Variants in RTTN observed in about 807,000 individuals in gnomAD.
The protein encoded by RTTN is rotatin.
A neutral mutation model predicts 269.2 loss-of-function variants in RTTN; 182 were observed. The observed-to-expected ratio is 0.68, with a 90% CI of 0.60 to 0.76. RTTN has a LOEUF of 0.76. Among genes scored for constraint, RTTN ranks in the 30% least tolerant of loss-of-function variants. The pLI is 0.00. For synonymous variants in RTTN, 1,006 were observed against 963.5 expected (o/e 1.04, Z -0.82); for missense variants, 2,545 against 2,608.6 (o/e 0.98, Z 0.53).
Position 70,088,048 on chromosome 18 carries a change from A to C in RTTN, c.4243T>G (p.Trp1415Gly), listed in dbSNP as rs1009651939. The change falls in exon 31 of 49, where the codon TGG becomes GGG. Residue 1415 changes from tryptophan (W) to glycine (G), a missense_variant. Physicochemically the swap from Trp to Gly is radical, Grantham distance 184 (BLOSUM62 -2). Coordinates refer to ENST00000640769, the MANE Select transcript of RTTN (RefSeq NM_173630.4). ...NSCQNISGGLWGTVVNILLDQ... is the reference protein window; with the variant it reads ...NSCQNISGGLGGTVVNILLDQ... The stretch of plus-strand genomic sequence containing the variant: ...AGAAGAATGTTCACCACAGTTCCCC[A>C]GAGCCCACCGGAAATGTTCTGACAA... 6.2e-7 allele frequency: 1 copy of C among 1,613,922 alleles called. No individual in the cohort carries two copies. Among genetic ancestry groups the C allele is most frequent in the Admixed American group, 1.7e-5 (1 of 59,948 alleles).
In RTTN at chr18:70,073,298, T is replaced by C. The variant is rs145045718; in HGVS notation, c.4653+608A>G. Among the ~76,000 whole-genome samples, 5 of 152,146 alleles carry C rather than the reference T, an allele frequency of 3.3e-5. No homozygotes were observed. The East Asian group carries it at 9.6e-4, about 29-fold the overall frequency. On this transcript the variant is annotated intron_variant, in intron 34 of 48. Transcript: ENST00000640769. ...TTCTGCAAAAAAAGCAACTAATGCATGAATGAAAGGGGAAGGAAAGAAGGC... is the reference window on the plus strand; with the variant it reads ...TTCTGCAAAAAAAGCAACTAATGCACGAATGAAAGGGGAAGGAAAGAAGGC...
chr18:70,042,053 A>G (rs1448861235), intron 40 of RTTN, among the ~76,000 whole-genome samples: 2 of 152,106 alleles, frequency 1.3e-5, no homozygotes, highest in African/African-American at 4.8e-5. Flanking sequence ...CACCAAGAAA[A>G]GCTGCCAAAT....
At position 70,197,877 on chromosome 18, in the gene RTTN, T is replaced by C. The variant is rs116599744; in HGVS notation, c.579-139A>G. 1,133 of 620,304 alleles carry C rather than the reference T, an allele frequency of 1.8e-3. 8 individuals carry two copies. Among genetic ancestry groups the C allele is most frequent in the African/African-American group, 0.018 (972 of 54,054 alleles). 38.4% of individuals were successfully genotyped at this position (620,304 alleles called of 1,614,324 possible). A position where few individuals can be genotyped will look rare whatever the true frequency, so the allele number is the denominator to read the frequency against. On this transcript the variant is annotated intron_variant, in intron 5 of 48. Coordinates refer to ENST00000640769, the MANE Select transcript of RTTN (RefSeq NM_173630.4). ...ACTTCTCCAGAAAAGCCTTCCTAGA[T>C]CTTTTCCCTAACCAATAAACAACTC...
intron 34 of RTTN, among the ~76,000 whole-genome samples, chr18:70,068,051 C>T (rs1319236854): frequency 6.6e-6 from 1 of 152,130 alleles, no homozygotes; most frequent in Non-Finnish European, 1.5e-5. Flanking sequence ...TTTCTACTAG[C>T]CTCTATTTTT....
intron 34 of RTTN, among the ~76,000 whole-genome samples, chr18:70,069,762 A>G (rs899912830): frequency 6.6e-6 from 1 of 152,208 alleles, no homozygotes; most frequent in African/African-American, 2.4e-5. Context: ...ACTGGTGCCA[A>G]AAAAGTTTAT....
intron 43 of RTTN, among the ~76,000 whole-genome samples, chr18:70,025,771 T>C (rs2056836570): frequency 6.6e-6 from 1 of 152,236 alleles, no homozygotes; most frequent in South Asian, 2.1e-4. Context: ...ATAGTTTATC[T>C]GTATTTTCAT....
intron 32 of RTTN, 134 bp downstream of exon 32, chr18:70,086,479 A>C (rs1201512596): frequency 1.3e-6 from 1 of 763,198 alleles, no homozygotes; most frequent in East Asian, 2.5e-5. Context: ...AACAAATTCT[A>C]CGTTCTATTT....
intron 27 of RTTN, among the ~76,000 whole-genome samples, chr18:70,112,106 G>C (rs2059483678): frequency 1.3e-5 from 2 of 152,200 alleles, no homozygotes; most frequent in Admixed American, 1.3e-4. Context: ...AGCAAATGCT[G>C]AGAGATTTTG....
At chr18:70,125,556 A>C (rs1390450898) in intron 25 of RTTN, among the ~76,000 whole-genome samples, 1 of 152,066 alleles carries the variant, frequency 6.6e-6, no homozygotes, top group Non-Finnish European at 1.5e-5. Context: ...TTATTTTTAA[A>C]ATACAATAAA....
At chr18:70,044,635 T>C (rs2057441248) in intron 40 of RTTN, among the ~76,000 whole-genome samples, 1 of 152,162 alleles carries the variant, frequency 6.6e-6, no homozygotes, top group African/African-American at 2.4e-5. Context: ...AATAGTATAA[T>C]AAAAATTATG....
At chr18:70,163,442 G>T (rs1424620768) in intron 14 of RTTN, among the ~76,000 whole-genome samples, 1 of 152,006 alleles carries the variant, frequency 6.6e-6, no homozygotes, top group East Asian at 1.9e-4. Flanking sequence ...GGAATCCTTG[G>T]CACTGCCAGT....
chr18:70,032,304 C>T (rs2057038575), intron 40 of RTTN, among the ~76,000 whole-genome samples: 1 of 152,164 alleles, frequency 6.6e-6, no homozygotes, highest in African/African-American at 2.4e-5. Flanking sequence ...CAGGTACGGG[C>T]CCATACGGTA....
intron 26 of RTTN, among the ~76,000 whole-genome samples, chr18:70,115,493 T>A (rs2059581283): frequency 6.7e-6 from 1 of 149,458 alleles, no homozygotes; most frequent in Non-Finnish European, 1.5e-5. Context: ...TATTTATTAA[T>A]CATCTATGAT....
chr18:70,128,284 G>A (rs1413271652), intron 24 of RTTN, 74 bp downstream of exon 24: 1 of 1,311,100 alleles, frequency 7.6e-7, no homozygotes, highest in Non-Finnish European at 1.0e-6. Flanking sequence ...TGGACCTAAG[G>A]AAAAAGTAAA....
chr18:70,197,709 A>T lies in RTTN; in HGVS notation c.608T>A (p.Ile203Asn), dbSNP rs750149352. The change falls in exon 6 of 49, where the codon ATC becomes AAC. Residue 203 changes from isoleucine (I) to asparagine (N), a missense_variant. Physicochemically the swap from Ile to Asn is moderately radical, Grantham distance 149. Transcript: ENST00000640769. Reference protein sequence around the residue: ...SSLRSSNHTLIWNTCELLKDV... With the variant: ...SSLRSSNHTLNWNTCELLKDV... The stretch of plus-strand genomic sequence containing the variant: ...CTTCAATAGTTCACAGGTGTTCCAG[A>T]TTAAAGTGTGGTTACTACTTCTTAA... 1 of 1,611,866 alleles carries T rather than the reference A, an allele frequency of 6.2e-7. No individual in the cohort carries two copies. The highest frequency in any genetic ancestry group is 1.1e-5 in the South Asian group (1 of 91,016).
intron 32 of RTTN, among the ~76,000 whole-genome samples, chr18:70,077,200 A>G (rs1322878421): frequency 6.6e-6 from 1 of 151,940 alleles, no homozygotes; most frequent in East Asian, 1.9e-4. Context: ...GATACAAAGA[A>G]CCACTTAAAA....
chr18:70,150,862 C>T (rs1170689123), intron 14 of RTTN, 129 bp from the exon 15 acceptor site: 1 of 616,456 alleles, frequency 1.6e-6, no homozygotes, highest in Non-Finnish European at 2.6e-6. Context: ...TTTAACAAGA[C>T]AGAATGAAAA....
intron 11 of RTTN, among the ~76,000 whole-genome samples, chr18:70,172,688 C>G (rs2061173159): frequency 6.6e-6 from 1 of 150,998 alleles, no homozygotes; most frequent in African/African-American, 2.4e-5. Context: ...ACAATAACTA[C>G]CTTTAAAAAA....
intron 27 of RTTN, among the ~76,000 whole-genome samples, chr18:70,113,592 A>G (rs2059529903): frequency 6.6e-6 from 1 of 152,198 alleles, no homozygotes; most frequent in African/African-American, 2.4e-5. Context: ...AAATCTGTAT[A>G]TGAGTGTTTA....
Sources: allele counts gnomAD v4.1 joint callset (sites outside exome capture counted in the v4.1 genomes callset), GRCh38; gene constraint gnomAD v4.1.1; transcripts MANE v1.5; gene names NCBI Gene and HGNC (gene_info 2026-07-23, HGNC 2026-07-21).